CLNK: variants seen among roughly 807,000 people sequenced by gnomAD.
The protein encoded by CLNK is cytokine dependent hematopoietic cell linker, also known as cytokine-dependent hematopoietic cell linker.
CLNK carries 74 observed loss-of-function variants against 68.6 expected under a neutral mutation model. The observed-to-expected ratio is 1.08, with a 90% confidence interval of 0.89 to 1.31. The LOEUF is 1.31. CLNK is among the 50% of genes most tolerant of loss of function. CLNK has a pLI of 0.00. For missense variants in CLNK, 553 were observed against 515.3 expected (o/e 1.07, Z -0.71); for synonymous variants, 198 against 172.2 (o/e 1.15, Z -1.17).
chr4:10,674,845 A>T (rs898919696), intron 1 of CLNK, among the ~76,000 whole-genome samples: 1 of 152,204 alleles, frequency 6.6e-6, no homozygotes, highest in African/African-American at 2.4e-5. Context: ...TATGAGTAAG[A>T]ACATGTGGTG....
At chr4:10,625,654 A>T (rs1263602112) in intron 2 of CLNK, among the ~76,000 whole-genome samples, 1 of 152,180 alleles carries the variant, frequency 6.6e-6, no homozygotes, top group Non-Finnish European at 1.5e-5. Context: ...AAACACAGAG[A>T]AAGAGAGACA....
chr4:10,609,738 A>C (rs1041851284), intron 2 of CLNK, among the ~76,000 whole-genome samples: 1 of 152,250 alleles, frequency 6.6e-6, no homozygotes, highest in Non-Finnish European at 1.5e-5. Flanking sequence ...GGAGGGTGGC[A>C]TTTGATTTTA....
intron 3 of CLNK, among the ~76,000 whole-genome samples, chr4:10,588,639 T>C (rs1721071767): frequency 1.3e-5 from 2 of 152,240 alleles, no homozygotes; most frequent in Admixed American, 1.3e-4. Flanking sequence ...ATTTTTAGAA[T>C]GTTCCTATTT....
At chr4:10,537,271 A>T (rs979772660) in intron 11 of CLNK, among the ~76,000 whole-genome samples, 2 of 152,200 alleles carry the variant, frequency 1.3e-5, no homozygotes, top group African/African-American at 4.8e-5. Flanking sequence ...TGAGGTCAGG[A>T]GTTCGAGACC....
intron 11 of CLNK, among the ~76,000 whole-genome samples, chr4:10,532,947 T>C (rs1038379486): frequency 1.3e-5 from 2 of 152,288 alleles, no homozygotes; most frequent in East Asian, 3.9e-4. Flanking sequence ...AATGTGAGAA[T>C]TGCTAGAAAT....
At chr4:10,710,396 A>C in the CLNK span, among the ~76,000 whole-genome samples, 1 of 152,212 alleles carries the variant, frequency 6.6e-6, no homozygotes, top group South Asian at 2.1e-4. Context: ...GGACTAAGTA[A>C]ACTGAAGCAA....
intron 4 of CLNK, among the ~76,000 whole-genome samples, chr4:10,578,577 A>ATTTTTTTTTTTTTTTTTTTTTT (rs1348346482): frequency 1.2e-5 from 1 of 80,794 alleles, no homozygotes; most frequent in African/African-American, 4.8e-5. Flanking sequence ...GGCTTACCTT[A>ATTTTTTTTTTTTTTTTTTTTTT]TCTTTTTTTT....
chr4:10,636,185 T>C (rs1369946088), intron 2 of CLNK, among the ~76,000 whole-genome samples: 2 of 152,146 alleles, frequency 1.3e-5, no homozygotes, highest in Non-Finnish European at 2.9e-5. Flanking sequence ...TTTATTTGGA[T>C]ATAGGGTCTT....
At chr4:10,705,260 C>T in the CLNK span, among the ~76,000 whole-genome samples, 1 of 152,206 alleles carries the variant, frequency 6.6e-6, no homozygotes, top group East Asian at 1.9e-4. Flanking sequence ...CACGTTTATG[C>T]TGTTAGAACC....
intron 17 of CLNK, 29 bp downstream of exon 17, chr4:10,507,930 A>G (rs775714336): frequency 1.0e-5 from 16 of 1,546,518 alleles, no homozygotes; most frequent in Non-Finnish European, 1.4e-5. Context: ...TATAGAAACA[A>G]TAATGATGGG....
chr4:10,494,615 G>A (rs993562408), intron 18 of CLNK, among the ~76,000 whole-genome samples: 6 of 152,046 alleles, frequency 3.9e-5, no homozygotes, highest in Admixed American at 6.6e-5. Flanking sequence ...GTGCCATGGC[G>A]CGCAGCTAAC....
At chr4:10,655,745 G>A (rs1723950731) in intron 2 of CLNK, among the ~76,000 whole-genome samples, 1 of 148,568 alleles carries the variant, frequency 6.7e-6, no homozygotes, top group African/African-American at 2.5e-5. Context: ...AGCCTCCCGG[G>A]TTCACGCCAT....
chr4:10,520,049 T>A (rs1398992972), intron 15 of CLNK, among the ~76,000 whole-genome samples: 1 of 152,090 alleles, frequency 6.6e-6, no homozygotes, highest in Admixed American at 6.6e-5. Flanking sequence ...CCCCTTTTTT[T>A]TTTTTGGCTC....
At chr4:10,725,145 G>A in the CLNK span, among the ~76,000 whole-genome samples, 140,561 of 152,110 alleles carry the variant, frequency 0.92, 65,300 homozygotes, top group East Asian at 1. Context: ...CCATAGCACC[G>A]TAGGGATAGA....
At chr4:10,521,268 T>C (rs1207800054) in intron 14 of CLNK, among the ~76,000 whole-genome samples, 1 of 152,164 alleles carries the variant, frequency 6.6e-6, no homozygotes, top group East Asian at 1.9e-4. Flanking sequence ...TAGAAATTTG[T>C]GCTGAGTAAG....
chr4:10,688,384 GA>G (rs201669731), upstream of CLNK, among the ~76,000 whole-genome samples: 1,018 of 151,886 alleles, frequency 6.7e-3, 20 homozygotes, highest in African/African-American at 0.023. Flanking sequence ...ATTACAGGGA[GA>G]AAAAAAACAG....
intron 15 of CLNK, among the ~76,000 whole-genome samples, chr4:10,517,673 A>G (rs1201846509): frequency 2.6e-5 from 4 of 152,250 alleles, no homozygotes; most frequent in Admixed American, 2.6e-4. Flanking sequence ...ATGGTGTTGC[A>G]TACATAATAA....
In CLNK at chr4:10,564,711, A is replaced by G. The variant is rs768713482; in HGVS notation, c.359T>C (p.Ile120Thr). ...CTGTGTGTTCCAGGTCGGCTGTCCA[A>G]TGGAGATAGAGGTCCTGGTGTCTAA... ...LPLDTRTSISIGQPTWNTQTR... is the reference protein window; with the variant it reads ...LPLDTRTSISTGQPTWNTQTR... Residue 120 changes from isoleucine (I) to threonine (T), a missense_variant, in exon 7 of 19, where the codon ATT becomes ACT. Transcript: ENST00000226951. 15 of 1,613,634 alleles carry G rather than the reference A, an allele frequency of 9.3e-6. No individual in the cohort carries two copies. The highest frequency in any genetic ancestry group is 6.7e-5 in the Admixed American group (4 of 59,996).
At chr4:10,702,085 TC>T in the CLNK span, among the ~76,000 whole-genome samples, 1 of 152,186 alleles carries the variant, frequency 6.6e-6, no homozygotes, top group East Asian at 1.9e-4. Context: ...TGTAAAGACG[TC>T]CCTAGTTTAT....
Sources: allele counts gnomAD v4.1 joint callset (sites outside exome capture counted in the v4.1 genomes callset), GRCh38; gene constraint gnomAD v4.1.1; transcripts MANE v1.5; gene names NCBI Gene and HGNC (gene_info 2026-07-23, HGNC 2026-07-21).